Variants in MTUS2 observed in about 807,000 individuals in gnomAD.
MTUS2 encodes microtubule associated scaffold protein 2.
MTUS2 carries 40 observed loss-of-function variants against 114.1 expected under a neutral mutation model. The observed-to-expected ratio is 0.35, with a 90% CI of 0.27 to 0.46. MTUS2 has a LOEUF of 0.46. Ranked by LOEUF, MTUS2 falls within the 20% of genes least tolerant of loss-of-function variation. The pLI, the probability that MTUS2 is intolerant of heterozygous loss-of-function variation, is 1.00. For missense variants in MTUS2, 1,679 were observed against 1,705.4 expected, an observed-to-expected ratio of 0.98 and a Z score of 0.27; for synonymous variants, 688 against 672.0, an observed-to-expected ratio of 1.02 and a Z score of -0.37.
At chr13:28,833,783 A>G (rs1220184641) in intron 1 of MTUS2, among the ~76,000 whole-genome samples, 1 of 152,152 alleles carries the variant, frequency 6.6e-6, no homozygotes, top group East Asian at 1.9e-4. Context: ...ATGATCTTGT[A>G]TGTAGAAAAT....
intron 7 of MTUS2, among the ~76,000 whole-genome samples, chr13:29,358,555 C>A (rs1032101734): frequency 6.6e-6 from 1 of 152,170 alleles, no homozygotes; most frequent in Non-Finnish European, 1.5e-5. Flanking sequence ...ACGTGCCTCA[C>A]GTGTGCAAAG....
At chr13:29,490,985 A>ATGTGTGTG (rs71090259) in intron 11 of MTUS2, among the ~76,000 whole-genome samples, 3,421 of 148,270 alleles carry the variant, frequency 0.023, 59 homozygotes, top group African/African-American at 0.048. Flanking sequence ...AGAAGTGTGG[A>ATGTGTGTG]TGTGTGTGTG....
intron 5 of MTUS2, among the ~76,000 whole-genome samples, chr13:29,222,246 A>G (rs1895938030): frequency 1.3e-5 from 2 of 152,042 alleles, no homozygotes; most frequent in Non-Finnish European, 2.9e-5. Flanking sequence ...TGAGCTCTCT[A>G]TTCTATTGTA....
At chr13:29,095,772 T>C (rs2138797912) in intron 4 of MTUS2, among the ~76,000 whole-genome samples, 1 of 131,822 alleles carries the variant, frequency 7.6e-6, no homozygotes, top group East Asian at 2.0e-4. Context: ...TTAGTTAATA[T>C]TTCATTTTAG....
rs146010106 is a variant in MTUS2 at position 28,898,081 on chromosome 13, G to A, written c.-243+58231G>A. ...AGAACAGGTTGAAGTTTTGTTTGGG[G>A]GGCTGGGGAGTGGGCAGTATAAGAT... On this transcript the variant is annotated intron_variant, in intron 2 of 15. Transcript: ENST00000612955. 4.5e-4 allele frequency among the ~76,000 whole-genome samples: 69 copies of A among 152,088 alleles called. No homozygotes were observed. In the East Asian group the frequency reaches 0.012, roughly 27 times the overall value.
intron 8 of MTUS2, among the ~76,000 whole-genome samples, chr13:29,403,026 C>T (rs1874466782): frequency 1.3e-5 from 2 of 152,214 alleles, no homozygotes; most frequent in South Asian, 4.1e-4. Context: ...TGAGCCACCG[C>T]GCCCAGCCCC....
intron 5 of MTUS2, among the ~76,000 whole-genome samples, chr13:29,137,699 C>T (rs1191948927): frequency 6.6e-6 from 1 of 152,014 alleles, no homozygotes; most frequent in Admixed American, 6.5e-5. Flanking sequence ...TCACTGCAAC[C>T]TCTGCCTCCC....
intron 2 of MTUS2, among the ~76,000 whole-genome samples, chr13:28,938,887 T>A (rs1024433404): frequency 3.3e-5 from 5 of 152,112 alleles, no homozygotes; most frequent in African/African-American, 9.7e-5. Flanking sequence ...GTGAACATCG[T>A]TTAATACTGT....
At chr13:29,396,437 C>A (rs1211838549) in intron 8 of MTUS2, among the ~76,000 whole-genome samples, 1 of 152,008 alleles carries the variant, frequency 6.6e-6, no homozygotes, top group Non-Finnish European at 1.5e-5. Flanking sequence ...TAAATTCATG[C>A]CTTGAAAAGA....
intron 2 of MTUS2, among the ~76,000 whole-genome samples, chr13:28,966,214 T>C (rs1883575315): frequency 6.6e-6 from 1 of 152,204 alleles, no homozygotes; most frequent in South Asian, 2.1e-4. Flanking sequence ...CCTCCCCCTC[T>C]TTTGCATTAG....
chr13:29,148,476 T>TGCTGAGGATAATGGC (rs1313550522), intron 5 of MTUS2, among the ~76,000 whole-genome samples: 152 of 104,214 alleles, frequency 1.5e-3, no homozygotes, highest in East Asian at 2.8e-3. Flanking sequence ...GGTTTTCTTT[T>TGCTGAGGATAATGGC]TTTTTTTTTT....
intron 4 of MTUS2, among the ~76,000 whole-genome samples, chr13:29,071,565 T>G (rs1230339096): frequency 4.0e-5 from 6 of 151,368 alleles, no homozygotes; most frequent in Non-Finnish European, 7.4e-5. Context: ...TAGCTGGGAT[T>G]ACAGGTGCGT....
At chr13:28,982,346 TAAA>T (rs34479954) in intron 2 of MTUS2, among the ~76,000 whole-genome samples, 1 of 147,122 alleles carries the variant, frequency 6.8e-6, no homozygotes, top group African/African-American at 2.5e-5. Flanking sequence ...GGTTATTATT[TAAA>T]AAAAAAAAAG....
At chr13:29,179,316 A>G (rs1893901631) in intron 5 of MTUS2, among the ~76,000 whole-genome samples, 1 of 152,252 alleles carries the variant, frequency 6.6e-6, no homozygotes, top group South Asian at 2.1e-4. Flanking sequence ...ACCTGAGTTA[A>G]TATGGTATGA....
chr13:29,113,532 A>G (rs1342746570), intron 5 of MTUS2, among the ~76,000 whole-genome samples: 1 of 152,214 alleles, frequency 6.6e-6, no homozygotes, highest in Non-Finnish European at 1.5e-5. Context: ...CATGGAGCTA[A>G]TGAGCCATTG....
chr13:29,383,986 A>T (rs371020149), intron 8 of MTUS2, among the ~76,000 whole-genome samples: 5 of 152,214 alleles, frequency 3.3e-5, no homozygotes, highest in African/African-American at 1.2e-4. Flanking sequence ...CATTTAAAAT[A>T]AGTTGACCTA....
chr13:29,331,103 T>C (rs915628843), intron 7 of MTUS2, among the ~76,000 whole-genome samples: 2 of 152,222 alleles, frequency 1.3e-5, no homozygotes, highest in Admixed American at 1.3e-4. Flanking sequence ...GTGTCCTCTC[T>C]TATTTCATTG....
chr13:29,342,125 C>A (rs2138124470), intron 7 of MTUS2, among the ~76,000 whole-genome samples: 1 of 152,092 alleles, frequency 6.6e-6, no homozygotes, highest in African/African-American at 2.4e-5. Flanking sequence ...CTTGCTTTGG[C>A]TATGTGGACT....
intron 8 of MTUS2, among the ~76,000 whole-genome samples, chr13:29,361,702 C>T (rs1052768253): frequency 2.6e-5 from 4 of 152,144 alleles, no homozygotes; most frequent in Non-Finnish European, 5.9e-5. Context: ...CCCCATGTCA[C>T]CCTTGTGAGA....
Sources: gnomAD v4.1 joint callset for allele counts (sites outside exome capture counted in the v4.1 genomes callset) on GRCh38, gnomAD v4.1.1 for gene constraint, MANE v1.5 for transcripts, NCBI Gene and HGNC (gene_info 2026-07-23, HGNC 2026-07-21) for gene names.